Variants in ARHGAP15 observed in about 807,000 individuals in gnomAD.
The protein encoded by ARHGAP15 is rho GTPase-activating protein 15.
In ARHGAP15, 51 loss-of-function variants were observed where a neutral mutation model predicts 63.7. The observed-to-expected ratio is 0.80, with a 90% CI of 0.64 to 1.01. The LOEUF (loss-of-function observed/expected upper bound fraction) is 1.01. Among genes scored for constraint, ARHGAP15 ranks in the 50% least tolerant of loss-of-function variants. The pLI, the probability that ARHGAP15 is intolerant of heterozygous loss-of-function variation, is 0.00. For synonymous variants in ARHGAP15, 191 were observed against 193.8 expected (o/e 0.99, Z 0.12); for missense variants, 560 against 564.6 (o/e 0.99, Z 0.08).
chr2:143,668,132 C>T (rs974858000), intron 12 of ARHGAP15, among the ~76,000 whole-genome samples: 3 of 151,854 alleles, frequency 2.0e-5, no homozygotes, highest in Non-Finnish European at 4.4e-5. Flanking sequence ...TAACACTGTT[C>T]GCAAATCTGA....
intron 11 of ARHGAP15, among the ~76,000 whole-genome samples, chr2:143,580,503 G>A (rs1574659316): frequency 6.6e-6 from 1 of 151,972 alleles, no homozygotes; most frequent in East Asian, 1.9e-4. Context: ...TCTGTATTCT[G>A]GATCTCTTCT....
chr2:143,355,374 G>A (rs921370460), intron 6 of ARHGAP15, among the ~76,000 whole-genome samples: 4 of 152,064 alleles, frequency 2.6e-5, no homozygotes, highest in Non-Finnish European at 5.9e-5. Flanking sequence ...TCGGTGATGT[G>A]ATTTACACTT....
At chr2:143,741,754 C>A (rs1685971967) in intron 13 of ARHGAP15, among the ~76,000 whole-genome samples, 1 of 152,134 alleles carries the variant, frequency 6.6e-6, no homozygotes, top group African/African-American at 2.4e-5. Context: ...CAAGATGGAC[C>A]ACACACAAAC....
At chr2:143,196,908 T>C (rs1232502167) in intron 2 of ARHGAP15, among the ~76,000 whole-genome samples, 2 of 151,950 alleles carry the variant, frequency 1.3e-5, no homozygotes. Context: ...AATAATTTAT[T>C]GAAATAAAGT....
At position 143,450,047 on chromosome 2, in the gene ARHGAP15, C is replaced by CTT. The variant is rs71301730; in HGVS notation, c.703+13015_703+13016dup. Among the ~76,000 whole-genome samples, 14 of 137,070 alleles carry CTT rather than the reference C, an allele frequency of 1.0e-4. No homozygotes were observed. The East Asian group carries it at 1.0e-3, about 10-fold the overall frequency. 89.9% of individuals were successfully genotyped at this position (137,070 alleles called of 152,430 possible). A position where few individuals can be genotyped will look rare whatever the true frequency, so the allele number is the denominator to read the frequency against. On this transcript the variant is annotated intron_variant, in intron 8 of 13. Transcript: ENST00000295095. ...GACAGCTTACATAAGAATAATTAAT[C>CTT]TTTTTTTTTTTCCTAGTGAGTACCT...
rs760512845 is a variant in ARHGAP15, at chr2:143,519,411, A to G, written c.925+47A>G. 4.1e-6 allele frequency: 6 copies of G among 1,472,844 alleles called. No homozygotes were observed. In the East Asian group the frequency reaches 1.4e-4, roughly 34 times the overall value. 91.2% of individuals were successfully genotyped at this position (1,472,844 alleles called of 1,614,324 possible). A position where few individuals can be genotyped will look rare whatever the true frequency, so the allele number is the denominator to read the frequency against. On this transcript the variant is annotated intron_variant, in intron 10 of 13. Transcript: ENST00000295095. Reference sequence around the variant, plus strand: ...AGTTCCCCCCATTACTGCACCCTCTACACAACCAATACTCAAGTTAGCAGT... The same window carrying G: ...AGTTCCCCCCATTACTGCACCCTCTGCACAACCAATACTCAAGTTAGCAGT...
chr2:143,486,284 C>T (rs569777086), intron 8 of ARHGAP15, among the ~76,000 whole-genome samples: 1 of 151,942 alleles, frequency 6.6e-6, no homozygotes, highest in East Asian at 1.9e-4. Context: ...TAATAAGACA[C>T]CTTGGGCCAG....
chr2:143,466,490 A>G (rs964385255), intron 8 of ARHGAP15, among the ~76,000 whole-genome samples: 1 of 152,068 alleles, frequency 6.6e-6, no homozygotes, highest in Non-Finnish European at 1.5e-5. Context: ...TGTTTGGAGT[A>G]TTAGTGGAAA....
intron 8 of ARHGAP15, among the ~76,000 whole-genome samples, chr2:143,455,665 T>C (rs898291601): frequency 2.6e-5 from 4 of 152,134 alleles, no homozygotes; most frequent in Non-Finnish European, 5.9e-5. Flanking sequence ...TCCTGCTTGA[T>C]TTTATTAACA....
intron 6 of ARHGAP15, among the ~76,000 whole-genome samples, chr2:143,398,220 G>A (rs1440753081): frequency 6.6e-6 from 1 of 152,092 alleles, no homozygotes. Context: ...CAAAGTTAAT[G>A]TACCACCTCA....
At chr2:143,487,605 G>A (rs1692386708) in intron 9 of ARHGAP15, 110 bp downstream of exon 9, 7 of 1,269,054 alleles carry the variant, frequency 5.5e-6, no homozygotes, top group Non-Finnish European at 7.3e-6. Flanking sequence ...TTCTTAGGTT[G>A]CTTATTAAAT....
chr2:143,642,618 G>A (rs909924948), intron 12 of ARHGAP15, among the ~76,000 whole-genome samples: 1 of 152,236 alleles, frequency 6.6e-6, no homozygotes. Flanking sequence ...CTCAAGGAGA[G>A]TACTGAAGAA....
chr2:143,696,262 T>C (rs1205035694), intron 12 of ARHGAP15, among the ~76,000 whole-genome samples: 1 of 152,016 alleles, frequency 6.6e-6, no homozygotes, highest in Non-Finnish European at 1.5e-5. Context: ...TTGTAATTTA[T>C]CTGCCCCTCC....
At chr2:143,263,589 A>AAGAACTTCAACT (rs1314748870) in intron 6 of ARHGAP15, among the ~76,000 whole-genome samples, 1 of 152,192 alleles carries the variant, frequency 6.6e-6, no homozygotes, top group Non-Finnish European at 1.5e-5. Context: ...AGAGAGGCTA[A>AAGAACTTCAACT]AGAACTTCAA....
intron 6 of ARHGAP15, among the ~76,000 whole-genome samples, chr2:143,345,871 C>T (rs1474990966): frequency 2.0e-5 from 3 of 151,980 alleles, no homozygotes; most frequent in Non-Finnish European, 4.4e-5. Context: ...CAAACAGTGG[C>T]TTTTGCCATC....
chr2:143,550,598 C>T (rs1046041694), intron 10 of ARHGAP15, among the ~76,000 whole-genome samples: 1 of 152,140 alleles, frequency 6.6e-6, no homozygotes, highest in African/African-American at 2.4e-5. Flanking sequence ...TCATATGTGG[C>T]CAGTGAATGC....
chr2:143,241,086 T>G (rs1256703912), intron 5 of ARHGAP15, among the ~76,000 whole-genome samples: 1 of 152,220 alleles, frequency 6.6e-6, no homozygotes, highest in East Asian at 1.9e-4. Context: ...TTTTGGAGCT[T>G]GCATTTCTCT....
chr2:143,155,712 G>GA (rs77561979), intron 2 of ARHGAP15, 57 bp downstream of exon 2: 19,796 of 1,303,222 alleles, frequency 0.015, 33 homozygotes, highest in Non-Finnish European at 0.017. Context: ...TTTGTAAAAG[G>GA]AAAAAAAAAA....
At chr2:143,542,780 GATAT>G (rs1239089231) in intron 10 of ARHGAP15, among the ~76,000 whole-genome samples, 1 of 117,856 alleles carries the variant, frequency 8.5e-6, no homozygotes, top group African/African-American at 3.5e-5. Flanking sequence ...ATATATATAT[GATAT>G]ATATAATATC....
Sources: gnomAD v4.1 joint callset for allele counts (sites outside exome capture counted in the v4.1 genomes callset) on GRCh38, gnomAD v4.1.1 for gene constraint, MANE v1.5 for transcripts, NCBI Gene and HGNC (gene_info 2026-07-23, HGNC 2026-07-21) for gene names.